KRT82: variants seen among roughly 807,000 people sequenced by gnomAD.
KRT82 encodes the protein keratin 82, also known as keratin, type II cuticular Hb2.
KRT82 carries 44 observed loss-of-function variants against 48.0 expected under a neutral mutation model. The observed-to-expected ratio is 0.92, with a 90% CI of 0.72 to 1.18. The LOEUF (loss-of-function observed/expected upper bound fraction) is 1.18. Ranked by LOEUF, KRT82 falls within the 50% of genes most tolerant of loss-of-function variation. The pLI is 0.00. For synonymous variants in KRT82, 297 were observed against 278.3 expected (o/e 1.07, Z -0.67); for missense variants, 701 against 671.4 (o/e 1.04, Z -0.49).
chr12:52,395,777 T>C lies in KRT82; in HGVS notation c.1303A>G (p.Ile435Val), dbSNP rs183973841. The change falls in exon 8 of 9, where the codon ATC (isoleucine) becomes GTC (valine). Residue 435 changes from isoleucine (I) to valine (V), a missense_variant. Physicochemically the swap from Ile to Val is conservative, Grantham distance 29 (BLOSUM62 3). Transcript: ENST00000257974. ...EGEEHRLCEG[I>V]GPVNISVSSS... ...TACTTACAGATATTCACGGGCCCGA[T>C]GCCTTCGCACAGCCTGGGGATGAGA... The C allele has an allele frequency of 6.4e-7, 1 of 1,553,176 alleles. No homozygotes were observed. Among genetic ancestry groups the C allele is most frequent in the Non-Finnish European group, 8.7e-7 (1 of 1,153,622 alleles).
chr12:52,403,365 T>C (rs1329049060), intron 2 of KRT82, among the ~76,000 whole-genome samples: 9 of 152,002 alleles, frequency 5.9e-5, no homozygotes, highest in South Asian at 4.1e-4. Context: ...GTCTGTGGAA[T>C]AGGAAGTAGT....
intron 5 of KRT82, 45 bp downstream of exon 5, chr12:52,399,940 T>C (rs1199401864): frequency 6.3e-7 from 1 of 1,591,780 alleles, no homozygotes; most frequent in Non-Finnish European, 8.6e-7. Context: ...CCTCCCCTGG[T>C]TTGTCACCTC....
At chr12:52,400,862 C>G (rs1939780460) in intron 3 of KRT82, among the ~76,000 whole-genome samples, 1 of 152,202 alleles carries the variant, frequency 6.6e-6, no homozygotes, top group Non-Finnish European at 1.5e-5. Flanking sequence ...AGCAGCATCT[C>G]AGAGCCCACT....
intron 5 of KRT82, among the ~76,000 whole-genome samples, chr12:52,398,676 G>A (rs2857659): frequency 0.42 from 63,559 of 151,678 alleles, 14,008 homozygotes; most frequent in Non-Finnish European, 0.49. Flanking sequence ...CCGTGGGTGG[G>A]TCACAGACAG....
chr12:52,397,041 C>T (rs1188486905), intron 5 of KRT82, 33 bp from the exon 6 acceptor site: 1 of 1,609,486 alleles, frequency 6.2e-7, no homozygotes. Flanking sequence ...GCCCCAGGCC[C>T]CACAAGATGG....
intron 5 of KRT82, among the ~76,000 whole-genome samples, chr12:52,399,705 G>A (rs542448025): frequency 6.6e-6 from 1 of 152,338 alleles, no homozygotes; most frequent in Admixed American, 6.5e-5. Context: ...AGCACTTCCA[G>A]TGAGTCTGCA....
At chr12:52,397,546 T>C (rs996983575) in intron 5 of KRT82, among the ~76,000 whole-genome samples, 7 of 152,224 alleles carry the variant, frequency 4.6e-5, no homozygotes, top group Admixed American at 3.9e-4. Context: ...CTGAATCCAA[T>C]TTCTGAATAG....
intron 2 of KRT82, chr12:52,402,537 A>C (rs958805979): frequency 2.0e-5 from 3 of 152,224 alleles, no homozygotes; most frequent in Non-Finnish European, 2.9e-5. Context: ...ATGGAGGATA[A>C]TGCCATTGGA....
In KRT82 at chr12:52,396,215, AC is replaced by A. The variant is rs1171169462; in HGVS notation, c.1085del (p.Gly362ValfsTer3). ...CCTGCTGCTCTGCCTCAGCTATGGC[AC>A]CCTCAAGTTTGCAGCGCTGTGGGAG... ...NVKAQRCKLEGAIAEAEQQGE... is the reference protein window; with the variant it reads ...NVKAQRCKLEXAIAEAEQQGE... On this transcript the variant is annotated frameshift_variant, in exon 7 of 9. Coordinates refer to ENST00000257974, the MANE Select transcript of KRT82 (RefSeq NM_033033.4). LOFTEE classifies it high-confidence loss of function. 2 of 1,613,226 alleles carry A rather than the reference AC, an allele frequency of 1.2e-6. No individual in the cohort carries two copies. Among genetic ancestry groups the A allele is most frequent in the African/African-American group, 2.7e-5 (2 of 74,884 alleles).
At chr12:52,403,171 A>C (rs1301195278) in intron 2 of KRT82, among the ~76,000 whole-genome samples, 4 of 152,214 alleles carry the variant, frequency 2.6e-5, no homozygotes, top group Admixed American at 2.6e-4. Flanking sequence ...GAAGTGAGGC[A>C]GAAGGAGCTA....
At chr12:52,405,836 C>A (rs201058619) in intron 1 of KRT82, 31 bp downstream of exon 1, 1 of 1,574,166 alleles carries the variant, frequency 6.4e-7, no homozygotes, top group East Asian at 2.2e-5. Flanking sequence ...GCAGTGGGTC[C>A]TCTCACGGCC....
At chr12:52,398,030 A>G (rs1485606592) in intron 5 of KRT82, among the ~76,000 whole-genome samples, 1 of 152,190 alleles carries the variant, frequency 6.6e-6, no homozygotes, top group Non-Finnish European at 1.5e-5. Context: ...TAGCCTGGGC[A>G]ATAGAGCAAG....
chr12:52,398,720 A>G (rs1030762447), intron 5 of KRT82, among the ~76,000 whole-genome samples: 1 of 152,046 alleles, frequency 6.6e-6, no homozygotes, highest in Admixed American at 6.5e-5. Context: ...TCAAGTTTTC[A>G]TACTTCCAAC....
At chr12:52,401,187 AGTGG>A in intron 3 of KRT82, 98 bp downstream of exon 3, 1 of 941,096 alleles carries the variant, frequency 1.1e-6, no homozygotes, top group Admixed American at 2.0e-5. Flanking sequence ...CCTTTTTCAG[AGTGG>A]GTGGGCTGCA....
intron 1 of KRT82, among the ~76,000 whole-genome samples, chr12:52,404,316 C>G (rs778235492): frequency 4.6e-5 from 7 of 152,192 alleles, no homozygotes; most frequent in Non-Finnish European, 8.8e-5. Flanking sequence ...TAACTTCATA[C>G]TAGTGTCAGA....
rs565302631 is a variant in KRT82 at position 52,401,313 on chromosome 12, C to T, written c.657G>A (p.Glu219=). The T allele has an allele frequency of 8.2e-5, 132 of 1,614,068 alleles. No individual in the cohort carries two copies. In the African/African-American group the frequency reaches 1.3e-3, roughly 16 times the overall value. ...EEELSLRPCV[E]NEFVALKKDV... ...CCTTCTTCAAGGCAACAAACTCATTCTCAACACAGGGACGCAGGGAGAGCT... is the reference window on the plus strand; with the variant it reads ...CCTTCTTCAAGGCAACAAACTCATTTTCAACACAGGGACGCAGGGAGAGCT... The change falls in exon 3 of 9, where the codon GAG becomes GAA. Residue 219 remains glutamate, a synonymous_variant. Transcript: ENST00000257974.
Position 52,406,120 on chromosome 12 carries a change from C to A in KRT82, c.158G>T (p.Gly53Val). The A allele has an allele frequency of 6.2e-7, 1 of 1,613,016 alleles. No homozygotes were observed. Among genetic ancestry groups the A allele is most frequent in the Non-Finnish European group, 8.5e-7 (1 of 1,179,794 alleles). The change falls in exon 1 of 9, where the codon GGC becomes GTC. Residue 53 changes from glycine (G) to valine (V), a missense_variant. Coordinates refer to ENST00000257974, the MANE Select transcript of KRT82 (RefSeq NM_033033.4). ...GRGLRALGCL[G>V]SRSLCNVGFG... Reference sequence around the variant, plus strand: ...GCCCACGTTGCACAGGCTCCGTGAGCCAAGGCAGCCCAGAGCTCGGAGGCC... The same window carrying A: ...GCCCACGTTGCACAGGCTCCGTGAGACAAGGCAGCCCAGAGCTCGGAGGCC...
At position 52,401,280 on chromosome 12, in the gene KRT82, C is replaced by T; in HGVS notation, c.681+9G>A. 6.2e-7 allele frequency: 1 copy of T among 1,613,652 alleles called. No homozygotes were observed. Among genetic ancestry groups the T allele is most frequent in the Non-Finnish European group, 8.5e-7 (1 of 1,179,614 alleles). ...TCAGGGGCTCTGCCTCTCTGAGCTT[C>T]CTCCTTACCTTCTTCAAGGCAACAA... On this transcript the variant is annotated intron_variant, in intron 3 of 8. Coordinates refer to ENST00000257974, the MANE Select transcript of KRT82 (RefSeq NM_033033.4).
rs775337895 is a variant in KRT82 at position 52,403,806 on chromosome 12, T to C, written c.515A>G (p.Tyr172Cys). Residue 172 changes from tyrosine (Y) to cysteine (C), a missense_variant, in exon 2 of 9, where the codon TAT becomes TGT. Transcript: ENST00000257974. ...CAGCTGCCGCCGAAGGGCGCTGATA[T>C]AGCCCTCGAAGATGGGCTCGATGTT... ...QTNIEPIFEG[Y>C]ISALRRQLDC... The C allele has an allele frequency of 1.2e-6, 2 of 1,613,730 alleles. No individual in the cohort carries two copies. The highest frequency in any genetic ancestry group is 2.2e-5 in the East Asian group (1 of 44,880).
Sources: gnomAD v4.1 joint callset for allele counts (sites outside exome capture counted in the v4.1 genomes callset) on GRCh38, gnomAD v4.1.1 for gene constraint, MANE v1.5 for transcripts, NCBI Gene and HGNC (gene_info 2026-07-23, HGNC 2026-07-21) for gene names.